Variants in CENPT observed in about 807,000 individuals in gnomAD.
The protein encoded by CENPT is interphase centromere complex protein 22.
CENPT carries 42 observed loss-of-function variants against 59.7 expected under a neutral mutation model. The observed-to-expected ratio is 0.70, with a 90% CI of 0.55 to 0.91. CENPT has a LOEUF of 0.91. Ranked by LOEUF, CENPT falls within the 40% of genes least tolerant of loss-of-function variation. The probability of loss-of-function intolerance (pLI) is 0.00; values close to 1 mark genes in which losing one functional copy is unlikely to be tolerated. For missense variants in CENPT, 716 were observed against 713.4 expected (o/e 1.00, Z -0.04); for synonymous variants, 295 against 289.6 (o/e 1.02, Z -0.19).
chr16:67,842,972 G>T lies in CENPT; in HGVS notation c.-492+4429C>A. The stretch of plus-strand genomic sequence containing the variant: ...GCAGTCCTCACCCTCTGCCTCCACT[G>T]CCCAGACTGCCCAGCTGCAGCCGAA... On this transcript the variant is annotated intron_variant, in intron 1 of 15. Transcript: ENST00000562787. This position sits in a 1 kb window ranked among gnomAD's most constrained non-coding sequence, Gnocchi z 4.9. 2 of 1,608,476 alleles carry T rather than the reference G, an allele frequency of 1.2e-6. No homozygotes were observed. Among genetic ancestry groups the T allele is most frequent in the Non-Finnish European group, 1.7e-6 (2 of 1,178,072 alleles).
chr16:67,830,062 C>A lies in CENPT; in HGVS notation c.889G>T (p.Ala297Ser). 6.2e-7 allele frequency: 1 copy of A among 1,614,206 alleles called. No individual in the cohort carries two copies. The highest frequency in any genetic ancestry group is 8.5e-7 in the Non-Finnish European group (1 of 1,180,030). ...GCATTGACCTCCTCTGCCTCTCCTG[C>A]CAGAAACTGGGCTGGTTTCCCAGGG... Reference protein sequence around the residue: ...NSPGKPAQFLAGEAEEVNAFA... With the variant: ...NSPGKPAQFLSGEAEEVNAFA... Residue 297 changes from alanine (A) to serine (S), a missense_variant, in exon 12 of 16, where the codon GCA becomes TCA. Coordinates refer to ENST00000562787, the MANE Select transcript of CENPT (RefSeq NM_025082.4).
rs745357649 is a variant in CENPT, at chr16:67,828,703, G to A, written c.1421C>T (p.Pro474Leu). 1.9e-6 allele frequency: 3 copies of A among 1,614,020 alleles called. No homozygotes were observed. The highest frequency in any genetic ancestry group is 2.5e-6 in the Non-Finnish European group (3 of 1,180,044). ...CATCTCAAGAGCCTTCCTCTCCATGGGCATCTTGGCATAGAAGCTAAAGAG... is the reference window on the plus strand; with the variant it reads ...CATCTCAAGAGCCTTCCTCTCCATGAGCATCTTGGCATAGAAGCTAAAGAG... ...VKLFSFYAKM[P>L]MERKALEMVE... is the part of the protein sequence containing the mutation. Residue 474 changes from proline (P) to leucine (L), a missense_variant, in exon 14 of 16, where the codon CCC becomes CTC. Transcript: ENST00000562787.
chr16:67,836,797 T>C (rs1183720210), intron 1 of CENPT, among the ~76,000 whole-genome samples: 1 of 151,368 alleles, frequency 6.6e-6, no homozygotes, highest in Non-Finnish European at 1.5e-5. Context: ...GGTCTTGAAC[T>C]CCCGACCTCA....
chr16:67,837,154 G>A (rs111541139), intron 1 of CENPT, among the ~76,000 whole-genome samples: 2,021 of 151,698 alleles, frequency 0.013, 50 homozygotes, highest in African/African-American at 0.045. Flanking sequence ...ACAGGCGTGA[G>A]CCACCGTGCC....
intron 10 of CENPT, chr16:67,830,954 A>G: frequency 1.8e-6 from 1 of 547,652 alleles, no homozygotes; most frequent in Admixed American, 3.1e-5. Flanking sequence ...CCCTCTCAAC[A>G]AGTTTTGGCC....
In CENPT at chr16:67,843,819, G is replaced by A; in HGVS notation, c.-492+3582C>T. 1 of 317,880 alleles carries A rather than the reference G, an allele frequency of 3.1e-6. No homozygotes were observed. The highest frequency in any genetic ancestry group is 9.8e-4 in the Middle Eastern group (1 of 1,022). 19.7% of individuals were successfully genotyped at this position (317,880 alleles called of 1,614,324 possible). A position where few individuals can be genotyped will look rare whatever the true frequency, so the allele number is the denominator to read the frequency against. On this transcript the variant is annotated intron_variant, in intron 1 of 15. Coordinates refer to ENST00000562787, the MANE Select transcript of CENPT (RefSeq NM_025082.4). The surrounding 1 kb of genome is among the most constrained non-coding windows in gnomAD (Gnocchi z 5.7). ...TACCCTCTAGGGATGCAGGTGGGAT[G>A]TCCAGGGACTATAGGTTTGGGAAAA...
intron 4 of CENPT, among the ~76,000 whole-genome samples, chr16:67,833,231 C>T (rs185269388): frequency 1.3e-4 from 20 of 152,336 alleles, no homozygotes; most frequent in Admixed American, 1.0e-3. Flanking sequence ...CAACTTCTGC[C>T]CAGGCTGTCC....
At chr16:67,830,724 G>A (rs887058823) in intron 10 of CENPT, 176 bp from the exon 11 acceptor site, 115 of 622,786 alleles carry the variant, frequency 1.8e-4, no homozygotes, top group Non-Finnish European at 3.0e-4. Context: ...TAGCACGCGA[G>A]GCCTTATCGC....
In CENPT at chr16:67,833,878, T is replaced by G; in HGVS notation, c.-19A>C. On this transcript the variant is annotated 5_prime_UTR_variant, in exon 4 of 16. Coordinates refer to ENST00000562787, the MANE Select transcript of CENPT (RefSeq NM_025082.4). ...CAGCCATCGTCTCGGCCCCGGGCCC[T>G]CCTAACCGCCCAGCCAGCTGCAGGC... 6.8e-7 allele frequency: 1 copy of G among 1,463,048 alleles called. No homozygotes were observed. Among genetic ancestry groups the G allele is most frequent in the Non-Finnish European group, 9.0e-7 (1 of 1,105,800 alleles). The allele number at this position is 1,463,048 out of a possible 1,614,324, so 90.6% of individuals were successfully genotyped here.
chr16:67,829,273 G>A (rs1057405683), intron 13 of CENPT, 150 bp downstream of exon 13: 6 of 598,762 alleles, frequency 1.0e-5, no homozygotes, highest in African/African-American at 3.9e-5. Flanking sequence ...TGGCAGGGGT[G>A]CTCTTGGTGA....
In CENPT at chr16:67,833,901, G is replaced by T; in HGVS notation, c.-42C>A. The T allele has an allele frequency of 1.5e-6, 2 of 1,308,304 alleles. No individual in the cohort carries two copies. The highest frequency in any genetic ancestry group is 2.0e-6 in the Non-Finnish European group (2 of 985,156). 81.0% of individuals were successfully genotyped at this position (1,308,304 alleles called of 1,614,324 possible). ...CCTCCTAACCGCCCAGCCAGCTGCA[G>T]GCTCCGCCTTCCCGCCGCCACAGTT... On this transcript the variant is annotated 5_prime_UTR_variant, in exon 4 of 16. It adds an upstream start codon to the 5' untranslated region. Transcript: ENST00000562787.
chr16:67,830,492 C>T lies in CENPT; in HGVS notation c.760G>A (p.Val254Met), dbSNP rs117141770. 256 of 1,614,140 alleles carry T rather than the reference C, an allele frequency of 1.6e-4. 2 individuals are homozygous for T. The East Asian group carries it at 4.7e-3, about 29-fold the overall frequency. ...GGCGTGCAGGGCAGGGAGTGATACA[C>T]GTTGGGGGAGCCAACCATGGGCTGA... ...FSQPMVGSPNVYHSLPCTPHT... is the reference protein window; with the variant it reads ...FSQPMVGSPNMYHSLPCTPHT... Residue 254 changes from valine to methionine, a missense_variant, in exon 11 of 16, where the codon GTG becomes ATG. By Grantham distance (21) the Val-to-Met change is conservative. Transcript: ENST00000562787.
intron 1 of CENPT, among the ~76,000 whole-genome samples, chr16:67,841,048 A>T (rs543476128): frequency 3.0e-4 from 38 of 126,876 alleles, no homozygotes; most frequent in African/African-American, 1.1e-3. Flanking sequence ...TATATATATT[A>T]GCCGGGCATG....
Position 67,842,450 on chromosome 16 carries a change from G to C in CENPT, c.-492+4951C>G, listed in dbSNP as rs7185408. 1 of 886,746 alleles carries C rather than the reference G, an allele frequency of 1.1e-6. No homozygotes were observed. The highest frequency in any genetic ancestry group is 3.7e-5 in the East Asian group (1 of 26,674). The allele number at this position is 886,746 out of a possible 1,614,324, so 54.9% of individuals were successfully genotyped here. On this transcript the variant is annotated intron_variant, in intron 1 of 15. Transcript: ENST00000562787. This position sits in a 1 kb window ranked among gnomAD's most constrained non-coding sequence, Gnocchi z 4.9. ...GCGGCAGTGGTGGGATACCACCCAA[G>C]GCCTCGCGCGGCGCCGCCCGTCGAG... is the stretch of plus-strand genomic sequence containing the variant.
chr16:67,839,258 C>A (rs2057748680), intron 1 of CENPT, among the ~76,000 whole-genome samples: 3 of 151,554 alleles, frequency 2.0e-5, no homozygotes, highest in Non-Finnish European at 4.4e-5. Flanking sequence ...TGGTGGTGGG[C>A]ACCTATAATA....
rs1191233752 is a variant in CENPT, at chr16:67,843,721, T to G, written c.-492+3680A>C. 5.8e-6 allele frequency: 3 copies of G among 514,330 alleles called. No individual in the cohort carries two copies. Among genetic ancestry groups the G allele is most frequent in the Non-Finnish European group, 1.1e-5 (3 of 283,724 alleles). 31.9% of individuals were successfully genotyped at this position (514,330 alleles called of 1,614,324 possible). ...GGTGACACCAGCAATTATGACTTTG[T>G]CTACCCTTCCTCCCCAGTTATTGTT... On this transcript the variant is annotated intron_variant, in intron 1 of 15. Coordinates refer to ENST00000562787, the MANE Select transcript of CENPT (RefSeq NM_025082.4). The surrounding 1 kb of genome is among the most constrained non-coding windows in gnomAD (Gnocchi z 5.7).
chr16:67,845,545 C>T (rs929654316), intron 1 of CENPT, among the ~76,000 whole-genome samples: 3 of 152,178 alleles, frequency 2.0e-5, no homozygotes, highest in Non-Finnish European at 4.4e-5. Context: ...TCTTCCCGGT[C>T]GGAGCAAGGC....
chr16:67,828,978 C>T (rs2057646016), intron 13 of CENPT, 135 bp from the exon 14 acceptor site: 2 of 847,254 alleles, frequency 2.4e-6, no homozygotes, highest in Non-Finnish European at 3.5e-6. Context: ...CCCTGACCAC[C>T]TGCTGAGGGG....
rs1467351250 is a variant in CENPT at position 67,833,885 on chromosome 16, C to T, written c.-26G>A. 4.9e-6 allele frequency: 7 copies of T among 1,426,304 alleles called. No individual in the cohort carries two copies. Among genetic ancestry groups the T allele is most frequent in the Non-Finnish European group, 5.6e-6 (6 of 1,080,058 alleles). The allele number at this position is 1,426,304 out of a possible 1,614,324, so 88.4% of individuals were successfully genotyped here. On this transcript the variant is annotated 5_prime_UTR_variant, in exon 4 of 16. Transcript: ENST00000562787. ...CGTCTCGGCCCCGGGCCCTCCTAAC[C>T]GCCCAGCCAGCTGCAGGCTCCGCCT...
Sources: gnomAD v4.1 joint callset for allele counts (sites outside exome capture counted in the v4.1 genomes callset) on GRCh38, gnomAD v4.1.1 for gene constraint, Gnocchi (gnomAD v3.1) non-coding constraint, MANE v1.5 for transcripts, NCBI Gene and HGNC (gene_info 2026-07-23, HGNC 2026-07-21) for gene names.